Variants in UACA observed in about 807,000 individuals in gnomAD.
The protein encoded by UACA is uveal autoantigen with coiled-coil domains and ankyrin repeats.
Under a neutral mutation model 160.5 loss-of-function variants are expected in UACA, and 112 were observed. The observed-to-expected ratio is 0.70, with a 90% CI of 0.60 to 0.82. The LOEUF is 0.82. UACA is among the 40% of genes least tolerant of loss of function. The pLI is 0.00. For synonymous variants in UACA, 557 were observed against 568.4 expected (o/e 0.98, Z 0.29); for missense variants, 1,574 against 1,614.6 (o/e 0.97, Z 0.43).
At chr15:70,723,101 C>A (rs1899040657) in intron 1 of UACA, among the ~76,000 whole-genome samples, 2 of 152,158 alleles carry the variant, frequency 1.3e-5, no homozygotes, top group African/African-American at 4.8e-5. Flanking sequence ...GCGTCAGTTT[C>A]CTCATTTTAA....
chr15:70,675,868 C>T (rs946757420), intron 13 of UACA, among the ~76,000 whole-genome samples: 3 of 152,134 alleles, frequency 2.0e-5, no homozygotes, highest in East Asian at 3.8e-4. Context: ...TTTGCCCTTT[C>T]GCCTTCTGCC....
chr15:70,659,136 G>C (rs539903902), intron 18 of UACA, among the ~76,000 whole-genome samples: 1 of 151,888 alleles, frequency 6.6e-6, no homozygotes, highest in Admixed American at 6.6e-5. Flanking sequence ...TCTAATAATT[G>C]CAATAAACTT....
upstream of UACA, among the ~76,000 whole-genome samples, chr15:70,765,664 G>A (rs2030994373): frequency 6.6e-6 from 1 of 152,188 alleles, no homozygotes; most frequent in Non-Finnish European, 1.5e-5. Flanking sequence ...ATTTCTGAAT[G>A]AATTGATGCA....
the UACA span, among the ~76,000 whole-genome samples, chr15:70,773,996 G>T: frequency 1.3e-5 from 2 of 152,104 alleles, no homozygotes. Flanking sequence ...TAGAAGGATT[G>T]GCCAAAGCAT....
At chr15:70,705,607 C>T (rs1898502905) in intron 1 of UACA, among the ~76,000 whole-genome samples, 1 of 151,980 alleles carries the variant, frequency 6.6e-6, no homozygotes, top group Admixed American at 6.6e-5. Flanking sequence ...ACAAGAAATA[C>T]AGGGGACAGA....
chr15:70,766,029 AACAG>A (rs2031001930), upstream of UACA, among the ~76,000 whole-genome samples: 1 of 152,242 alleles, frequency 6.6e-6, no homozygotes, highest in Non-Finnish European at 1.5e-5. Flanking sequence ...AAGCAAAGGA[AACAG>A]ACAGAACCAC....
At chr15:70,766,318 TTTG>T (rs1247646060), upstream of UACA, among the ~76,000 whole-genome samples, 2 of 152,224 alleles carry the variant, frequency 1.3e-5, no homozygotes, top group African/African-American at 4.8e-5. Context: ...TGGGTTTTAT[TTTG>T]TTAACTCTTA....
chr15:70,702,139 C>A (rs1449120724), intron 1 of UACA: 2 of 1,296,950 alleles, frequency 1.5e-6, no homozygotes, highest in African/African-American at 3.1e-5. Flanking sequence ...CAATGCAGAA[C>A]TTGATTAAGA....
intron 1 of UACA, among the ~76,000 whole-genome samples, chr15:70,713,207 C>G (rs767728002): frequency 2.5e-4 from 38 of 152,062 alleles, no homozygotes; most frequent in African/African-American, 4.6e-4. Flanking sequence ...AAAAATTAGC[C>G]GCGCGCGGTG....
intron 2 of UACA, among the ~76,000 whole-genome samples, chr15:70,697,789 G>A (rs917848915): frequency 1.3e-5 from 2 of 152,154 alleles, no homozygotes; most frequent in African/African-American, 2.4e-5. Context: ...AGTGGCTCAC[G>A]CCTGTAATCC....
intron 2 of UACA, among the ~76,000 whole-genome samples, chr15:70,699,253 C>T (rs1281939256): frequency 3.3e-5 from 5 of 152,214 alleles, no homozygotes; most frequent in African/African-American, 1.2e-4. Context: ...TATAAAAAGG[C>T]TTATAATGAA....
intron 13 of UACA, among the ~76,000 whole-genome samples, chr15:70,672,914 G>A (rs2140913710): frequency 6.6e-6 from 1 of 152,220 alleles, no homozygotes; most frequent in African/African-American, 2.4e-5. Context: ...GGCCAACATA[G>A]TGAAACCCCG....
At chr15:70,685,688 A>T (rs1426779082) in intron 7 of UACA, among the ~76,000 whole-genome samples, 1 of 152,200 alleles carries the variant, frequency 6.6e-6, no homozygotes, top group African/African-American at 2.4e-5. Flanking sequence ...GAAAAAACAT[A>T]GATAAAGTGC....
intron 1 of UACA, among the ~76,000 whole-genome samples, chr15:70,716,804 C>G (rs1437222422): frequency 2.6e-5 from 4 of 152,150 alleles, no homozygotes; most frequent in African/African-American, 9.7e-5. Flanking sequence ...TAAAACCTAA[C>G]AGTATTCATC....
intron 1 of UACA, chr15:70,703,120 T>C (rs182535534): frequency 3.1e-6 from 4 of 1,289,140 alleles, no homozygotes; most frequent in African/African-American, 3.0e-5. Flanking sequence ...AGCATACTTG[T>C]ATCAACATTT....
the UACA span, among the ~76,000 whole-genome samples, chr15:70,777,814 C>T: frequency 6.6e-6 from 1 of 152,146 alleles, no homozygotes; most frequent in Admixed American, 6.5e-5. Context: ...TCAAGTTTTG[C>T]TGCGACGGGG....
intron 1 of UACA, among the ~76,000 whole-genome samples, chr15:70,710,288 C>A (rs889314869): frequency 5.9e-5 from 9 of 152,072 alleles, no homozygotes; most frequent in African/African-American, 2.2e-4. Context: ...AAAAATAAAT[C>A]TGAGAAAAGC....
intron 1 of UACA, among the ~76,000 whole-genome samples, chr15:70,745,610 A>G (rs1371768076): frequency 2.0e-5 from 3 of 152,170 alleles, no homozygotes; most frequent in Admixed American, 1.3e-4. Flanking sequence ...AGAAAAAACT[A>G]CTTTAAATTT....
chr15:70,690,240 T>C (rs896324966), intron 5 of UACA, among the ~76,000 whole-genome samples: 8 of 152,080 alleles, frequency 5.3e-5, no homozygotes, highest in Admixed American at 5.3e-4. Flanking sequence ...TTTGTACCTT[T>C]AGTATCTAGC....
Sources: allele counts gnomAD v4.1 joint callset (sites outside exome capture counted in the v4.1 genomes callset), GRCh38; gene constraint gnomAD v4.1.1; transcripts MANE v1.5; gene names NCBI Gene and HGNC (gene_info 2026-07-23, HGNC 2026-07-21).